Variants in ARID4A observed in about 807,000 individuals in gnomAD.
The protein encoded by ARID4A is AT-rich interactive domain-containing protein 4A.
Under a neutral mutation model 148.6 loss-of-function variants are expected in ARID4A, and 39 were observed. The observed-to-expected ratio is 0.26, with a 90% CI of 0.20 to 0.34. The LOEUF (loss-of-function observed/expected upper bound fraction) is 0.34. ARID4A is among the 10% of genes least tolerant of loss of function. The probability of loss-of-function intolerance (pLI) is 1.00; values close to 1 mark genes in which losing one functional copy is unlikely to be tolerated. For missense variants in ARID4A, 1,265 were observed against 1,449.1 expected (o/e 0.87, Z 2.06); for synonymous variants, 475 against 481.2 (o/e 0.99, Z 0.17).
intron 4 of ARID4A, 96 bp downstream of exon 4, chr14:58,305,105 A>G: frequency 9.7e-7 from 1 of 1,026,982 alleles, no homozygotes; most frequent in Non-Finnish European, 1.4e-6. Context: ...ATTTTATGAG[A>G]ACGTTAATCA....
In ARID4A at chr14:58,328,234, C is replaced by T. The variant is rs1279857136; in HGVS notation, c.583-3C>T. On this transcript the variant is annotated splice_region_variant and splice_polypyrimidine_tract_variant and intron_variant, in intron 8 of 23. Coordinates refer to ENST00000355431, the MANE Select transcript of ARID4A (RefSeq NM_002892.4). ...ATCAATCTGTTCTTATTTTATATTT[C>T]AGGTAATATCTCCCAGCTGTAATGA... 2 of 1,578,070 alleles carry T rather than the reference C, an allele frequency of 1.3e-6. No homozygotes were observed. The highest frequency in any genetic ancestry group is 2.2e-5 in the East Asian group (1 of 44,486).
At chr14:58,371,846 AAC>A in intron 23 of ARID4A, 38 bp from the exon 24 acceptor site, 2 of 1,475,454 alleles carry the variant, frequency 1.4e-6, no homozygotes, top group Non-Finnish European at 1.9e-6. Context: ...ATCTTTGTGT[AAC>A]AGTTTTTGGA....
At chr14:58,350,002 A>G (rs2034559484) in intron 15 of ARID4A, among the ~76,000 whole-genome samples, 1 of 150,394 alleles carries the variant, frequency 6.6e-6, no homozygotes, top group African/African-American at 2.4e-5. Context: ...CCAGCTACTC[A>G]GGAGGCTGAG....
At chr14:58,304,357 C>A (rs1206315607) in intron 3 of ARID4A, among the ~76,000 whole-genome samples, 1 of 152,094 alleles carries the variant, frequency 6.6e-6, no homozygotes, top group African/African-American at 2.4e-5. Flanking sequence ...GGAGGTCTTA[C>A]CATACATTAC....
chr14:58,304,947 C>G lies in ARID4A; in HGVS notation c.121C>G (p.Leu41Val). The G allele has an allele frequency of 1.2e-6, 2 of 1,606,360 alleles. No homozygotes were observed. Among genetic ancestry groups the G allele is most frequent in the Non-Finnish European group, 1.7e-6 (2 of 1,177,162 alleles). Residue 41 changes from leucine to valine, a missense_variant, in exon 4 of 24, where the codon CTC becomes GTC. By Grantham distance (32) the Leu-to-Val change is conservative. This residue lies in a region of ARID4A where 59 missense variants were observed against 49.8 expected (regional missense o/e 1.18). Transcript: ENST00000355431. Reference sequence around the variant, plus strand: ...TATTGTGCAAAATGTTTTTCAGGTACTCCTGAAACAGGATAATACCACACA... The same window carrying G: ...TATTGTGCAAAATGTTTTTCAGGTAGTCCTGAAACAGGATAATACCACACA... ...TVKRLVKVKV[L>V]LKQDNTTQLV...
chr14:58,324,609 C>A (rs1003086412), intron 8 of ARID4A, among the ~76,000 whole-genome samples: 2 of 152,172 alleles, frequency 1.3e-5, no homozygotes, highest in Non-Finnish European at 2.9e-5. Flanking sequence ...ATCATTTAGT[C>A]ATGATAGTCC....
intron 5 of ARID4A, among the ~76,000 whole-genome samples, chr14:58,309,502 C>T (rs1478705698): frequency 6.6e-6 from 1 of 152,120 alleles, no homozygotes; most frequent in Non-Finnish European, 1.5e-5. Context: ...GAATTCATAC[C>T]TCTATCCAGC....
Position 58,347,037 on chromosome 14 carries a change from A to G in ARID4A, c.1092A>G (p.Val364=), listed in dbSNP as rs758732626. The G allele has an allele frequency of 4.1e-6, 6 of 1,461,972 alleles. No individual in the cohort carries two copies. In the East Asian group the frequency reaches 1.5e-4, roughly 35 times the overall value. 90.6% of individuals were successfully genotyped at this position (1,461,972 alleles called of 1,614,324 possible). A position where few individuals can be genotyped will look rare whatever the true frequency, so the allele number is the denominator to read the frequency against. The change falls in exon 14 of 24, where the codon GTA becomes GTG. Residue 364 remains valine, a synonymous_variant. Coordinates refer to ENST00000355431, the MANE Select transcript of ARID4A (RefSeq NM_002892.4). ...GGCDNIDSGA[V]WKQIYMDLGI... is the part of the protein sequence containing the mutation. ...TTTTCCAGATTGATAGTGGTGCTGTATGGAAGCAAATTTATATGGACCTTG... is the reference window on the plus strand; with the variant it reads ...TTTTCCAGATTGATAGTGGTGCTGTGTGGAAGCAAATTTATATGGACCTTG...
intron 17 of ARID4A, among the ~76,000 whole-genome samples, chr14:58,355,931 G>T (rs2034848523): frequency 6.6e-6 from 1 of 151,874 alleles, no homozygotes; most frequent in South Asian, 2.1e-4. Flanking sequence ...TCAGGTTTTG[G>T]ATTAGTCATC....
intron 11 of ARID4A, among the ~76,000 whole-genome samples, chr14:58,343,625 T>G (rs1463295038): frequency 6.6e-6 from 1 of 152,022 alleles, no homozygotes. Context: ...GGTCAGGAGT[T>G]TGAGACTAGC....
chr14:58,343,090 C>T (rs1282329569), intron 11 of ARID4A, among the ~76,000 whole-genome samples: 6 of 152,100 alleles, frequency 3.9e-5, no homozygotes, highest in Non-Finnish European at 7.4e-5. Context: ...ACTGAATTAC[C>T]TATTTTCTTG....
At chr14:58,340,330 T>C (rs1274532580) in intron 11 of ARID4A, among the ~76,000 whole-genome samples, 2 of 59,130 alleles carry the variant, frequency 3.4e-5, no homozygotes, top group East Asian at 9.8e-4. Flanking sequence ...CATGCCCAGC[T>C]AATTTTGTTT....
intron 8 of ARID4A, among the ~76,000 whole-genome samples, chr14:58,327,403 A>T (rs1159575744): frequency 1.3e-5 from 2 of 152,178 alleles, no homozygotes; most frequent in Non-Finnish European, 2.9e-5. Context: ...TATTGTTAAG[A>T]TACTATTTTC....
Position 58,365,260 on chromosome 14 carries a change from C to T in ARID4A, c.3171C>T (p.Thr1057=), listed in dbSNP as rs773546109. 2.5e-6 allele frequency: 4 copies of T among 1,613,864 alleles called. No individual in the cohort carries two copies. In the South Asian group the frequency reaches 3.3e-5, roughly 13 times the overall value. The change falls in exon 20 of 24, where the codon ACC becomes ACT. Residue 1057 remains threonine, a synonymous_variant. Coordinates refer to ENST00000355431, the MANE Select transcript of ARID4A (RefSeq NM_002892.4). ...NGFETNVASG[T]CSIIVQERES... is the part of the protein sequence containing the mutation. ...TTGAAACTAATGTTGCCTCTGGTACCTGTAGTATAATTGTACAAGAGAGAG... is the reference window on the plus strand; with the variant it reads ...TTGAAACTAATGTTGCCTCTGGTACTTGTAGTATAATTGTACAAGAGAGAG...
At chr14:58,324,173 G>A (rs2033088291) in intron 8 of ARID4A, among the ~76,000 whole-genome samples, 1 of 152,150 alleles carries the variant, frequency 6.6e-6, no homozygotes, top group Non-Finnish European at 1.5e-5. Flanking sequence ...AAAGTTCTGA[G>A]ATTATAGGCG....
intron 5 of ARID4A, among the ~76,000 whole-genome samples, chr14:58,316,624 A>C (rs1938049109): frequency 6.6e-6 from 1 of 152,134 alleles, no homozygotes. Context: ...CTTGTTGTCC[A>C]GGCTGGAGTG....
In ARID4A at chr14:58,373,286, A is replaced by G. The variant is rs2140286361; in HGVS notation, c.*1297A>G. The stretch of plus-strand genomic sequence containing the variant: ...TGTGAATTGTTCCACAGACTGATAG[A>G]TTTTGTAAATAATTCTTCCAAAATC... On this transcript the variant is annotated 3_prime_UTR_variant, in exon 24 of 24. Coordinates refer to ENST00000355431, the MANE Select transcript of ARID4A (RefSeq NM_002892.4). 5.1e-6 allele frequency: 1 copy of G among 195,626 alleles called. No individual in the cohort carries two copies. Among genetic ancestry groups the G allele is most frequent in the Non-Finnish European group, 1.1e-5 (1 of 93,810 alleles). 12.1% of individuals were successfully genotyped at this position (195,626 alleles called of 1,614,324 possible).
At chr14:58,329,743 T>TA in intron 10 of ARID4A, 139 bp downstream of exon 10, 1 of 958,178 alleles carries the variant, frequency 1.0e-6, no homozygotes. Flanking sequence ...GATTTTTTTT[T>TA]AATGTCTAGA....
rs1290728413 is a variant in ARID4A, at chr14:58,346,450, A to T, written c.1019A>T (p.Asp340Val). Residue 340 changes from aspartate (D) to valine (V), a missense_variant, in exon 13 of 24, where the codon GAT becomes GTT. Coordinates refer to ENST00000355431, the MANE Select transcript of ARID4A (RefSeq NM_002892.4). ...AAACCACCTGTTTTGGGCTATAAAG[A>T]TCTCAATCTCTTCAAACTCTTCAGA... The part of the protein sequence containing the change: ...INKPPVLGYK[D>V]LNLFKLFRLV... 7 of 1,610,370 alleles carry T rather than the reference A, an allele frequency of 4.3e-6. No homozygotes were observed. The highest frequency in any genetic ancestry group is 5.9e-6 in the Non-Finnish European group (7 of 1,178,058).
Sources: allele counts gnomAD v4.1 joint callset (sites outside exome capture counted in the v4.1 genomes callset), GRCh38; gene constraint gnomAD v4.1.1; regional missense constraint gnomAD v4.1.1; transcripts MANE v1.5; gene names NCBI Gene and HGNC (gene_info 2026-07-23, HGNC 2026-07-21).